SPAG17: variants seen among roughly 807,000 people sequenced by gnomAD.
SPAG17 encodes sperm-associated antigen 17.
SPAG17 carries 169 observed loss-of-function variants against 273.6 expected under a neutral mutation model. The observed-to-expected ratio is 0.62, with a 90% CI of 0.55 to 0.70. The LOEUF is 0.70. Among genes scored for constraint, SPAG17 ranks in the 30% least tolerant of loss-of-function variants. The pLI is 0.00. For missense variants in SPAG17, 2,557 were observed against 2,627.8 expected, an observed-to-expected ratio of 0.97 and a Z score of 0.59; for synonymous variants, 825 against 873.2, an observed-to-expected ratio of 0.94 and a Z score of 0.97.
chr1:117,989,742 AT>A (rs1338179209), intron 38 of SPAG17, among the ~76,000 whole-genome samples: 3 of 150,900 alleles, frequency 2.0e-5, no homozygotes, highest in Non-Finnish European at 4.4e-5. Context: ...CACCTGACTA[AT>A]TTTTTTTTGT....
At chr1:118,159,703 C>A (rs538404923) in intron 1 of SPAG17, among the ~76,000 whole-genome samples, 34 of 152,240 alleles carry the variant, frequency 2.2e-4, no homozygotes, top group African/African-American at 7.9e-4. Flanking sequence ...GTTTTTCTTT[C>A]GTTTTTCACA....
chr1:117,996,548 T>A, intron 33 of SPAG17, 48 bp from the exon 34 acceptor site: 6 of 1,604,352 alleles, frequency 3.7e-6, no homozygotes, highest in Non-Finnish European at 5.1e-6. Flanking sequence ...TCCGTTAAAA[T>A]TCTCCTTGAA....
chr1:118,067,559 A>G (rs1315615088), intron 17 of SPAG17, among the ~76,000 whole-genome samples: 2 of 152,222 alleles, frequency 1.3e-5, no homozygotes, highest in Non-Finnish European at 2.9e-5. Context: ...AAACTCAACC[A>G]TGCCAGCACC....
At chr1:118,062,526 T>C (rs1279624909) in intron 18 of SPAG17, among the ~76,000 whole-genome samples, 1 of 151,660 alleles carries the variant, frequency 6.6e-6, no homozygotes, top group African/African-American at 2.4e-5. Flanking sequence ...GTCCTAGAAA[T>C]AAAGAGGAAC....
chr1:118,064,141 C>G (rs1311439199), intron 18 of SPAG17, among the ~76,000 whole-genome samples: 3 of 152,152 alleles, frequency 2.0e-5, no homozygotes, highest in Non-Finnish European at 4.4e-5. Flanking sequence ...GTTGCTGGAA[C>G]TGTAAACTAG....
chr1:118,055,708 C>G, intron 19 of SPAG17, 25 bp downstream of exon 19: 1 of 1,526,594 alleles, frequency 6.6e-7, no homozygotes, highest in Non-Finnish European at 9.0e-7. Flanking sequence ...TTTTATTCTA[C>G]GTATAAGTTG....
At chr1:118,103,720 T>A (rs909734441) in intron 4 of SPAG17, among the ~76,000 whole-genome samples, 12 of 152,138 alleles carry the variant, frequency 7.9e-5, no homozygotes, top group African/African-American at 2.7e-4. Context: ...CCCAGTGTCG[T>A]TATAGAAACA....
chr1:118,099,500 A>C, intron 6 of SPAG17, 106 bp downstream of exon 6: 1 of 1,057,458 alleles, frequency 9.5e-7, no homozygotes, highest in Non-Finnish European at 1.4e-6. Context: ...AAGATTTAAT[A>C]ATGTACTAAT....
intron 1 of SPAG17, among the ~76,000 whole-genome samples, chr1:118,173,717 C>T (rs987911686): frequency 2.0e-5 from 3 of 151,944 alleles, no homozygotes; most frequent in Admixed American, 2.0e-4. Flanking sequence ...CAAAAATTAG[C>T]TGGGTGTGGT....
chr1:117,989,261 A>G (rs1235991856), intron 38 of SPAG17, among the ~76,000 whole-genome samples: 1 of 152,156 alleles, frequency 6.6e-6, no homozygotes, highest in Non-Finnish European at 1.5e-5. Context: ...TCTTTGGCTC[A>G]CAATTCTGCA....
chr1:118,004,847 T>A (rs1038314739), intron 32 of SPAG17, among the ~76,000 whole-genome samples: 2 of 152,210 alleles, frequency 1.3e-5, no homozygotes, highest in African/African-American at 4.8e-5. Context: ...CCCAGTGAGA[T>A]GAACCAGGTA....
intron 20 of SPAG17, among the ~76,000 whole-genome samples, chr1:118,042,614 A>G (rs1649895210): frequency 6.6e-6 from 1 of 152,148 alleles, no homozygotes; most frequent in African/African-American, 2.4e-5. Context: ...TCGAGGCAGG[A>G]AAATAGGGTC....
chr1:118,099,158 T>C (rs1025409915), intron 6 of SPAG17, among the ~76,000 whole-genome samples: 1 of 152,174 alleles, frequency 6.6e-6, no homozygotes, highest in East Asian at 1.9e-4. Flanking sequence ...GCTAGGAAGA[T>C]AGCACCCCAG....
intron 45 of SPAG17, among the ~76,000 whole-genome samples, chr1:117,970,966 G>A (rs1191052682): frequency 1.3e-5 from 2 of 152,158 alleles, no homozygotes; most frequent in Non-Finnish European, 2.9e-5. Context: ...TTCTCAGGAA[G>A]CAAAGGTTAT....
chr1:118,172,684 G>A (rs1182173028), intron 1 of SPAG17, among the ~76,000 whole-genome samples: 1 of 151,996 alleles, frequency 6.6e-6, no homozygotes, highest in East Asian at 1.9e-4. Context: ...ACACATATGG[G>A]AACAAAAGGC....
At chr1:118,064,076 T>A (rs1652669549) in intron 18 of SPAG17, among the ~76,000 whole-genome samples, 1 of 152,064 alleles carries the variant, frequency 6.6e-6, no homozygotes. Context: ...CATTAAAAAG[T>A]CAGGAAACAA....
chr1:118,101,879 T>C lies in SPAG17; in HGVS notation c.495A>G (p.Lys165=), dbSNP rs1656093034. ...TTGGAGCCTTTTTCTCCTTGGGAGA[T>C]TTTGCTTTCCCTTTATCCTTTTCTA... ...PKLEKDKGKA[K]SPKEKKAPSA... The change falls in exon 5 of 49, where the codon AAA becomes AAG. Residue 165 remains lysine, a synonymous_variant. Transcript: ENST00000336338. The C allele has an allele frequency of 1.2e-6, 2 of 1,613,796 alleles. No homozygotes were observed. Among genetic ancestry groups the C allele is most frequent in the African/African-American group, 2.7e-5 (2 of 74,892 alleles).
chr1:118,030,889 C>T (rs1648376573), intron 25 of SPAG17, among the ~76,000 whole-genome samples: 1 of 152,068 alleles, frequency 6.6e-6, no homozygotes. Flanking sequence ...GTAAATAGTG[C>T]TACAATAAAC....
intron 12 of SPAG17, 72 bp downstream of exon 12, chr1:118,086,599 T>C: frequency 7.9e-7 from 1 of 1,271,508 alleles, no homozygotes; most frequent in Non-Finnish European, 1.1e-6. Context: ...TCTAATTAGC[T>C]TCTTTCAACT....
Sources: gnomAD v4.1 joint callset for allele counts (sites outside exome capture counted in the v4.1 genomes callset) on GRCh38, gnomAD v4.1.1 for gene constraint, MANE v1.5 for transcripts, NCBI Gene and HGNC (gene_info 2026-07-23, HGNC 2026-07-21) for gene names.